Variants in AMBP observed in about 807,000 individuals in gnomAD.
AMBP encodes protein AMBP.
AMBP carries 37 observed loss-of-function variants against 46.3 expected under a neutral mutation model. That is an observed-to-expected ratio of 0.80 (90% confidence interval 0.61 to 1.05). The LOEUF is 1.05. AMBP is among the 50% of genes least tolerant of loss of function. The pLI is 0.00. For synonymous variants in AMBP, 174 were observed against 175.9 expected, an observed-to-expected ratio of 0.99 and a Z score of 0.09; for missense variants, 475 against 461.2, an observed-to-expected ratio of 1.03 and a Z score of -0.27.
intron 9 of AMBP, among the ~76,000 whole-genome samples, 162 bp from the exon 10 acceptor site, chr9:114,060,432 C>T (rs1387263883): frequency 2.6e-5 from 4 of 152,078 alleles, no homozygotes; most frequent in African/African-American, 4.8e-5. Flanking sequence ...TCTGGTTTAC[C>T]GCAGGTGCCA....
chr9:114,073,396 G>A (rs1184518523), intron 4 of AMBP, among the ~76,000 whole-genome samples: 1 of 151,528 alleles, frequency 6.6e-6, no homozygotes, highest in Non-Finnish European at 1.5e-5. Context: ...TCAGGCACCT[G>A]CCACCACGCC....
At chr9:114,075,176 G>T (rs1319401148) in intron 2 of AMBP, 140 bp from the exon 3 acceptor site, 3 of 631,198 alleles carry the variant, frequency 4.8e-6, no homozygotes, top group Non-Finnish European at 8.2e-6. Flanking sequence ...TTTTTAATTC[G>T]GAAATGAACA....
At chr9:114,073,491 C>CTT (rs71492766) in intron 4 of AMBP, among the ~76,000 whole-genome samples, 12 of 114,176 alleles carry the variant, frequency 1.1e-4, no homozygotes, top group Admixed American at 1.7e-4. Flanking sequence ...GTCTCAATCC[C>CTT]TGTTTTTTTT....
At position 114,061,281 on chromosome 9, in the gene AMBP, G is replaced by A; in HGVS notation, c.853+143C>T. ...CCGAGGTCCTCCACATCCAAAGGTG[G>A]AATTCCTAAGATTTCAGGAAACCGC... On this transcript the variant is annotated intron_variant, in intron 8 of 9. Transcript: ENST00000265132. The A allele has an allele frequency of 2.1e-6, 3 of 1,443,988 alleles. No homozygotes were observed. The South Asian group carries it at 3.9e-5, about 19-fold the overall frequency. 89.4% of individuals were successfully genotyped at this position (1,443,988 alleles called of 1,614,324 possible).
intron 2 of AMBP, 106 bp downstream of exon 2, chr9:114,076,492 G>T: frequency 2.0e-6 from 3 of 1,505,240 alleles, no homozygotes; most frequent in East Asian, 2.3e-5. Context: ...CAGCGGGAAG[G>T]TCCTGACTGG....
Position 114,076,675 on chromosome 9 carries a change from G to C in AMBP, c.183C>G (p.Asp61Glu). The change falls in exon 2 of 10, where the codon GAC (aspartate) becomes GAG (glutamate). Residue 61 changes from aspartate (D) to glutamate (E), a missense_variant. Coordinates refer to ENST00000265132, the MANE Select transcript of AMBP (RefSeq NM_001633.4). ...STCPWLKKIM[D>E]RMTVSTLVLG... ...GCACCAGCGTGCTCACTGTCATCCT[G>C]TCCATGATCTTCTTCAGCCAGGGGC... 6.2e-7 allele frequency: 1 copy of C among 1,614,056 alleles called. No individual in the cohort carries two copies. Among genetic ancestry groups the C allele is most frequent in the Non-Finnish European group, 8.5e-7 (1 of 1,180,012 alleles).
chr9:114,060,221 T>C lies in AMBP; in HGVS notation c.*18A>G, dbSNP rs1299555551. On this transcript the variant is annotated 3_prime_UTR_variant, in exon 10 of 10. Coordinates refer to ENST00000265132, the MANE Select transcript of AMBP (RefSeq NM_001633.4). Reference sequence around the variant, plus strand: ...GGACAGACACTGGCCATCCTCTGACTTGCAGACCGGCCAGTTGTCAGTTGG... The same window carrying C: ...GGACAGACACTGGCCATCCTCTGACCTGCAGACCGGCCAGTTGTCAGTTGG... 4 of 1,612,238 alleles carry C rather than the reference T, an allele frequency of 2.5e-6. No individual in the cohort carries two copies. The South Asian group carries it at 3.3e-5, about 13-fold the overall frequency.
In AMBP at chr9:114,061,043, C is replaced by T. The variant is rs1350749566; in HGVS notation, c.909G>A (p.Trp303Ter). Residue 303 changes from tryptophan to a stop codon, truncating the protein, a stop_gained, in exon 9 of 10, where the codon TGG becomes TGA. Coordinates refer to ENST00000265132, the MANE Select transcript of AMBP (RefSeq NM_001633.4). LOFTEE classifies it high-confidence loss of function. ...ACTTCCCCTTGACAGCATCAAATGC[C>T]CAGAGCTGGATGAAGGCTCGGCAGG... ...RGPCRAFIQL[W>*]AFDAVKGKCV... 16 of 1,614,244 alleles carry T rather than the reference C, an allele frequency of 9.9e-6. No individual in the cohort carries two copies. Among genetic ancestry groups the T allele is most frequent in the Non-Finnish European group, 1.4e-5 (16 of 1,180,044 alleles).
intron 2 of AMBP, 131 bp downstream of exon 2, chr9:114,076,467 G>C: frequency 7.5e-7 from 1 of 1,331,002 alleles, no homozygotes; most frequent in Non-Finnish European, 1.0e-6. Context: ...GAGGAGCGTA[G>C]AGGGATCTGG....
At position 114,073,006 on chromosome 9, in the gene AMBP, C is replaced by T. The variant is rs997641428; in HGVS notation, c.475G>A (p.Glu159Lys). ...ACTCTGAAGTCCTGCAGGAGAGTTTCCCTCAGCTGCGGCGCCCGCCCTGCA... is the reference window on the plus strand; with the variant it reads ...ACTCTGAAGTCCTGCAGGAGAGTTTTCCTCAGCTGCGGCGCCCGCCCTGCA... ...KLYGRAPQLR[E>K]TLLQDFRVVA... The change falls in exon 5 of 10, where the codon GAA (glutamate) becomes AAA (lysine). Residue 159 changes from glutamate to lysine, a missense_variant. Transcript: ENST00000265132. The T allele has an allele frequency of 6.2e-7, 1 of 1,613,566 alleles. No individual in the cohort carries two copies. Among genetic ancestry groups the T allele is most frequent in the African/African-American group, 1.3e-5 (1 of 74,908 alleles).
chr9:114,074,881 A>G lies in AMBP; in HGVS notation c.337+79T>C, dbSNP rs1375095721. ...TCAGCTAAATGGGAGGAAAGGTTAC[A>G]GAGGCAGAGGGAGCTGAGGACATCA... On this transcript the variant is annotated intron_variant, in intron 3 of 9. Transcript: ENST00000265132. 4.7e-6 allele frequency: 6 copies of G among 1,280,370 alleles called. No homozygotes were observed. In the East Asian group the frequency reaches 1.4e-4, roughly 30 times the overall value. The allele number at this position is 1,280,370 out of a possible 1,614,324, so 79.3% of individuals were successfully genotyped here.
At chr9:114,070,099 G>GT (rs1846728838) in intron 5 of AMBP, among the ~76,000 whole-genome samples, 1 of 152,252 alleles carries the variant, frequency 6.6e-6, no homozygotes, top group Non-Finnish European at 1.5e-5. Flanking sequence ...TAAGGAAGGT[G>GT]TTATTATGCC....
chr9:114,076,744 G>A lies in AMBP; in HGVS notation c.118-4C>T. Reference sequence around the variant, plus strand: ...GGTTGTACCACTTCCCATAGATCTAGGAGGCAGGTGAGCTCTGGGGGTCTG... The same window carrying A: ...GGTTGTACCACTTCCCATAGATCTAAGAGGCAGGTGAGCTCTGGGGGTCTG... On this transcript the variant is annotated splice_polypyrimidine_tract_variant and splice_region_variant and intron_variant, in intron 1 of 9. Coordinates refer to ENST00000265132, the MANE Select transcript of AMBP (RefSeq NM_001633.4). The A allele has an allele frequency of 6.2e-7, 1 of 1,613,860 alleles. No homozygotes were observed. The highest frequency in any genetic ancestry group is 1.1e-5 in the South Asian group (1 of 91,036).
intron 7 of AMBP, among the ~76,000 whole-genome samples, chr9:114,062,129 G>A (rs1846645210): frequency 6.6e-6 from 1 of 152,084 alleles, no homozygotes; most frequent in Admixed American, 6.6e-5. Flanking sequence ...TTCCTTTTGG[G>A]CCCATCACCT....
intron 6 of AMBP, among the ~76,000 whole-genome samples, chr9:114,063,794 A>G (rs892864843): frequency 6.6e-6 from 1 of 152,266 alleles, no homozygotes; most frequent in Non-Finnish European, 1.5e-5. Flanking sequence ...TTGAACATTA[A>G]AATGATGTTG....
intron 5 of AMBP, 74 bp downstream of exon 5, chr9:114,072,851 G>T: frequency 1.4e-6 from 2 of 1,379,642 alleles, no homozygotes; most frequent in Admixed American, 1.8e-5. Flanking sequence ...AAGGACCCAG[G>T]GGCTGGGATG....
At chr9:114,071,786 C>A (rs1311854436) in intron 5 of AMBP, among the ~76,000 whole-genome samples, 2 of 152,294 alleles carry the variant, frequency 1.3e-5, no homozygotes, top group Non-Finnish European at 2.9e-5. Flanking sequence ...GACTTGCCTG[C>A]AGAGAGGAGA....
chr9:114,067,686 C>T (rs755819771), intron 6 of AMBP, among the ~76,000 whole-genome samples: 1 of 152,136 alleles, frequency 6.6e-6, no homozygotes, highest in South Asian at 2.1e-4. Flanking sequence ...AAATATCACA[C>T]GGGTCTCGGG....
rs34177397 is a variant in AMBP, at chr9:114,068,808, T to TAA, written c.603+889_603+890dup. Among the ~76,000 whole-genome samples the TAA allele has an allele frequency of 1.2e-3, 120 of 97,098 alleles. 1 individual carries two copies. The highest frequency in any genetic ancestry group is 4.0e-3 in the African/African-American group (98 of 24,480). 63.7% of individuals were successfully genotyped at this position (97,098 alleles called of 152,430 possible). A position where few individuals can be genotyped will look rare whatever the true frequency, so the allele number is the denominator to read the frequency against. On this transcript the variant is annotated intron_variant, in intron 6 of 9. Coordinates refer to ENST00000265132, the MANE Select transcript of AMBP (RefSeq NM_001633.4). Reference sequence around the variant, plus strand: ...GCTGATAGTTTTGAGGTGGTGAGATTAAAAAAAAAAAAAAAAAAAAAAAAC... The same window carrying TAA: ...GCTGATAGTTTTGAGGTGGTGAGATTAAAAAAAAAAAAAAAAAAAAAAAAAAC...
Sources: gnomAD v4.1 joint callset for allele counts (sites outside exome capture counted in the v4.1 genomes callset) on GRCh38, gnomAD v4.1.1 for gene constraint, MANE v1.5 for transcripts, NCBI Gene and HGNC (gene_info 2026-07-23, HGNC 2026-07-21) for gene names.